COX15: variants seen among roughly 807,000 people sequenced by gnomAD.
COX15 encodes heme A synthase COX15.
COX15 carries 51 observed loss-of-function variants against 51.9 expected under a neutral mutation model. That is an observed-to-expected ratio of 0.98 (90% CI 0.78 to 1.24). The LOEUF (loss-of-function observed/expected upper bound fraction) is 1.24. Ranked by LOEUF, COX15 falls within the 50% of genes most tolerant of loss-of-function variation. The pLI, the probability that COX15 is intolerant of heterozygous loss-of-function variation, is 0.00. For synonymous variants in COX15, 188 were observed against 190.5 expected (o/e 0.99, Z 0.11); for missense variants, 420 against 501.1 (o/e 0.84, Z 1.55).
At chr10:99,724,533 A>G (rs1218486177) in intron 4 of COX15, among the ~76,000 whole-genome samples, 1 of 151,260 alleles carries the variant, frequency 6.6e-6, no homozygotes, top group Non-Finnish European at 1.5e-5. Context: ...TCTCTACCCC[A>G]CCCCTCCTCT....
At chr10:99,696,389 A>G in the COX15 span, among the ~76,000 whole-genome samples, 5 of 152,212 alleles carry the variant, frequency 3.3e-5, no homozygotes, top group African/African-American at 1.2e-4. Context: ...ACCTAACATC[A>G]TGGGAAAAGG....
At chr10:99,709,796 T>C (rs76656125), downstream of COX15, 858 of 985,384 alleles carry the variant, frequency 8.7e-4, 4 homozygotes, top group African/African-American at 0.012. Context: ...ATTTCTCTTT[T>C]GCTCTAATAT....
At chr10:99,710,341 TA>T, downstream of COX15, 1 of 985,450 alleles carries the variant, frequency 1.0e-6, no homozygotes, top group Non-Finnish European at 1.2e-6. Flanking sequence ...ATTCCACAAT[TA>T]CCCTTTAGTT....
chr10:99,725,684 G>A (rs943382176), intron 4 of COX15, among the ~76,000 whole-genome samples: 9 of 152,040 alleles, frequency 5.9e-5, no homozygotes, highest in African/African-American at 1.7e-4. Flanking sequence ...CTCAGCCTCC[G>A]AAATAGCTGG....
chr10:99,698,907 T>A, the COX15 span: 21 of 1,519,920 alleles, frequency 1.4e-5, no homozygotes, highest in Non-Finnish European at 1.9e-5. Flanking sequence ...AGCCATTTAT[T>A]GAATGCCTCA....
In COX15 at chr10:99,727,053, G is replaced by A; in HGVS notation, c.497C>T (p.Pro166Leu). The change falls in exon 4 of 9, where the codon CCT (proline) becomes CTT (leucine). Residue 166 changes from proline to leucine, a missense_variant. Transcript: ENST00000016171. ...GCCCTTTCTCCAAAAGTAGGCAGCA[G>A]GCAGGATGTACACAAGGCCTACAAG... ...GRLVGLVYILPAAYFWRKGWL... is the reference protein window; with the variant it reads ...GRLVGLVYILLAAYFWRKGWL... 6.2e-7 allele frequency: 1 copy of A among 1,614,220 alleles called. No homozygotes were observed. The highest frequency in any genetic ancestry group is 8.5e-7 in the Non-Finnish European group (1 of 1,180,044).
chr10:99,722,404 T>C (rs1160460748), intron 5 of COX15, among the ~76,000 whole-genome samples: 1 of 151,960 alleles, frequency 6.6e-6, no homozygotes, highest in East Asian at 1.9e-4. Flanking sequence ...ATGTATTGGG[T>C]TGGGTGAGGA....
At chr10:99,719,552 G>A (rs930277617) in intron 6 of COX15, among the ~76,000 whole-genome samples, 13 of 151,948 alleles carry the variant, frequency 8.6e-5, no homozygotes, top group Non-Finnish European at 1.2e-4. Context: ...GTGCAGCAGC[G>A]CAATCTCCGC....
chr10:99,714,630 C>A lies in COX15; in HGVS notation c.1190G>T (p.Gly397Val), dbSNP rs751386316. ...HQSGSLALLT[G>V]ALWLMNELRR... is the part of the protein sequence containing the mutation. The stretch of plus-strand genomic sequence containing the variant: ...GAGTTCATTCATCAGCCAAAGAGCA[C>A]CAGTGAGCAAAGCCAAGGAGCCTGA... The change falls in exon 9 of 9, where the codon GGT (glycine) becomes GTT (valine). Residue 397 changes from glycine (G) to valine (V), a missense_variant. Physicochemically the swap from Gly to Val is moderately radical, Grantham distance 109. Transcript: ENST00000016171. The A allele has an allele frequency of 9.9e-6, 16 of 1,614,072 alleles. No individual in the cohort carries two copies. Among genetic ancestry groups the A allele is most frequent in the Non-Finnish European group, 1.4e-5 (16 of 1,180,004 alleles).
rs1426888957 is a variant in COX15, at chr10:99,711,290, T to C, written c.*3297A>G. Reference sequence around the variant, plus strand: ...TTGGAGGCAACTGTAGAAGCATTAATATATGGTTCTTTGGGTTGGGTCATA... The same window carrying C: ...TTGGAGGCAACTGTAGAAGCATTAACATATGGTTCTTTGGGTTGGGTCATA... On this transcript the variant is annotated 3_prime_UTR_variant, in exon 9 of 9. Coordinates refer to ENST00000016171, the MANE Select transcript of COX15 (RefSeq NM_078470.6). 1.0e-6 allele frequency: 1 copy of C among 985,342 alleles called. No homozygotes were observed. The highest frequency in any genetic ancestry group is 1.7e-5 in the African/African-American group (1 of 57,252). The allele number at this position is 985,342 out of a possible 1,614,324, so 61.0% of individuals were successfully genotyped here.
chr10:99,727,715 T>C, intron 2 of COX15, 152 bp from the exon 3 acceptor site: 1 of 980,146 alleles, frequency 1.0e-6, no homozygotes, highest in South Asian at 1.4e-5. Flanking sequence ...TGTTACTGCT[T>C]GGAATTTTGT....
At chr10:99,707,623 A>G (rs1203829829), downstream of COX15, among the ~76,000 whole-genome samples, 3 of 152,206 alleles carry the variant, frequency 2.0e-5, no homozygotes, top group Non-Finnish European at 4.4e-5. Flanking sequence ...GTTAACAGAG[A>G]CAATGAACCT....
At chr10:99,715,108 A>G (rs2036524311) in intron 8 of COX15, among the ~76,000 whole-genome samples, 1 of 152,178 alleles carries the variant, frequency 6.6e-6, no homozygotes. Context: ...GCTGTGCAGT[A>G]TCGCACAGTA....
chr10:99,696,951 AG>A, the COX15 span, among the ~76,000 whole-genome samples: 1 of 152,330 alleles, frequency 6.6e-6, no homozygotes, highest in South Asian at 2.1e-4. Context: ...CACGGAGAGA[AG>A]GACCACAGAT....
At position 99,714,086 on chromosome 10, in the gene COX15, C is replaced by G. The variant is rs1178375089; in HGVS notation, c.*501G>C. 2.9e-5 allele frequency: 29 copies of G among 1,005,294 alleles called. No homozygotes were observed. The highest frequency in any genetic ancestry group is 3.4e-5 in the Non-Finnish European group (29 of 841,864). The allele number at this position is 1,005,294 out of a possible 1,614,324, so 62.3% of individuals were successfully genotyped here. ...GTCAAAATCTGCAATTTCCCCATTT[C>G]TGAAAATCAGGATATTAGAAGACAT... On this transcript the variant is annotated 3_prime_UTR_variant, in exon 9 of 9. Coordinates refer to ENST00000016171, the MANE Select transcript of COX15 (RefSeq NM_078470.6).
chr10:99,694,663 A>G, the COX15 span, among the ~76,000 whole-genome samples: 1 of 151,244 alleles, frequency 6.6e-6, no homozygotes, highest in South Asian at 2.1e-4. Context: ...CAGCCTCCTG[A>G]GTAGCTGGGA....
intron 7 of COX15, among the ~76,000 whole-genome samples, chr10:99,717,947 G>A (rs1048886508): frequency 1.4e-4 from 21 of 152,276 alleles, no homozygotes; most frequent in Non-Finnish European, 2.8e-4. Flanking sequence ...CTGGCTCCTT[G>A]AGCTTCTGGT....
intron 4 of COX15, 145 bp from the exon 5 acceptor site, chr10:99,724,268 C>T (rs945976600): frequency 3.6e-5 from 32 of 894,264 alleles, no homozygotes; most frequent in Non-Finnish European, 4.2e-5. Context: ...CTGCAATCTC[C>T]GCCTCCCAGG....
chr10:99,708,092 T>G (rs2036288083), downstream of COX15, among the ~76,000 whole-genome samples: 1 of 152,134 alleles, frequency 6.6e-6, no homozygotes, highest in Non-Finnish European at 1.5e-5. Context: ...TCTATTCTGG[T>G]CTGGGAAATT....
Sources: gnomAD v4.1 joint callset for allele counts (sites outside exome capture counted in the v4.1 genomes callset) on GRCh38, gnomAD v4.1.1 for gene constraint, MANE v1.5 for transcripts, NCBI Gene and HGNC (gene_info 2026-07-23, HGNC 2026-07-21) for gene names.